The following ERAP2 variants were observed in gnomAD, a reference collection of about 807,000 sequenced individuals.
The protein encoded by ERAP2 is endoplasmic reticulum aminopeptidase 2, also known as leukocyte-derived arginine aminopeptidase.
In ERAP2, 118 loss-of-function variants were observed where a neutral mutation model predicts 111.1. That is an observed-to-expected ratio of 1.06 (90% CI 0.92 to 1.24). ERAP2 has a LOEUF of 1.24. Ranked by LOEUF, ERAP2 falls within the 50% of genes most tolerant of loss-of-function variation. The pLI is 0.00. For missense variants in ERAP2, 1,131 were observed against 1,125.8 expected, an observed-to-expected ratio of 1.00 and a Z score of -0.07; for synonymous variants, 410 against 401.2, an observed-to-expected ratio of 1.02 and a Z score of -0.26.
At position 96,917,462 on chromosome 5, in the gene ERAP2, G is replaced by A; in HGVS notation, c.2740G>A (p.Val914Met). The change falls in exon 19 of 19, where the codon GTG becomes ATG. Residue 914 changes from valine (V) to methionine (M), a missense_variant and splice_region_variant. Transcript: ENST00000437043. The stretch of plus-strand genomic sequence containing the variant: ...AATTTTTTTCTTCAATATTTTACAG[G>A]TGAAACTATTTTTTGAATCTCTTGA... ...HFSSKDKLQE[V>M]KLFFESLEAQ... 6.2e-7 allele frequency: 1 copy of A among 1,606,960 alleles called. No homozygotes were observed. Among genetic ancestry groups the A allele is most frequent in the Non-Finnish European group, 8.5e-7 (1 of 1,176,002 alleles).
At chr5:96,876,557 T>C (rs767273487) in intron 1 of ERAP2, 30 bp downstream of exon 1, 2 of 152,330 alleles carry the variant, frequency 1.3e-5, no homozygotes, top group African/African-American at 2.4e-5. Flanking sequence ...CTTGGGTTTG[T>C]CTTAAAATTA....
Position 96,901,519 on chromosome 5 carries a change from G to A in ERAP2, c.1586G>A (p.Gly529Glu), listed in dbSNP as rs768168202. ...KMTSNMLAFL[G>E]ENAEVKEMMT... Reference sequence around the variant, plus strand: ...CTGTCATTTCAGCTCGCCTTTCTGGGGGAAAATGCAGAGGTCAAAGAGATG... The same window carrying A: ...CTGTCATTTCAGCTCGCCTTTCTGGAGGAAAATGCAGAGGTCAAAGAGATG... The change falls in exon 11 of 19, where the codon GGG becomes GAG. Residue 529 changes from glycine (G) to glutamate (E), a missense_variant. Around this residue, in one of 3 missense-constraint regions of ERAP2, gnomAD observed 847 missense variants for 856.5 expected, o/e 0.99. Transcript: ENST00000437043. 8.7e-6 allele frequency: 14 copies of A among 1,613,024 alleles called. No homozygotes were observed. The highest frequency in any genetic ancestry group is 1.1e-5 in the Non-Finnish European group (13 of 1,179,396).
At chr5:96,887,096 TATATAC>T (rs1221368070) in intron 4 of ERAP2, among the ~76,000 whole-genome samples, 52 of 140,310 alleles carry the variant, frequency 3.7e-4, no homozygotes, top group Middle Eastern at 3.9e-3. Flanking sequence ...TATATATATA[TATATAC>T]ACACACACAC....
Position 96,880,217 on chromosome 5 carries a change from G to A in ERAP2, c.532G>A (p.Gly178Arg), listed in dbSNP as rs1782989518. ...FQAKLGDGFE[G>R]FYKSTYRTLG... ...AGCCAAGTTAGGTGATGGCTTTGAAGGGTTTTATAAAAGCACATACAGAAC... is the reference window on the plus strand; with the variant it reads ...AGCCAAGTTAGGTGATGGCTTTGAAAGGTTTTATAAAAGCACATACAGAAC... Residue 178 changes from glycine (G) to arginine (R), a missense_variant, in exon 2 of 19, where the codon GGG becomes AGG. Gly to Arg is a moderately radical substitution (Grantham distance 125). Around this residue, in one of 3 missense-constraint regions of ERAP2, gnomAD observed 847 missense variants for 856.5 expected, o/e 0.99. Transcript: ENST00000437043. 6.2e-7 allele frequency: 1 copy of A among 1,614,004 alleles called. No individual in the cohort carries two copies. Among genetic ancestry groups the A allele is most frequent in the Non-Finnish European group, 8.5e-7 (1 of 1,179,960 alleles).
At chr5:96,917,076 T>G (rs1353714804) in intron 18 of ERAP2, among the ~76,000 whole-genome samples, 1 of 152,144 alleles carries the variant, frequency 6.6e-6, no homozygotes, top group African/African-American at 2.4e-5. Flanking sequence ...ATTTGCAAGC[T>G]CTTTTGAAAA....
In ERAP2 at chr5:96,903,555, A is replaced by G. The variant is rs1358958644; in HGVS notation, c.2007A>G (p.Leu669=). The part of the protein sequence containing the change: ...RVGLIHDVFQ[L]VGAGRLTLDK... Reference sequence around the variant, plus strand: ...GTCTGATTCATGATGTGTTTCAGCTAGTTGGGTAAGGCAACATTTCCTCTG... The same window carrying G: ...GTCTGATTCATGATGTGTTTCAGCTGGTTGGGTAAGGCAACATTTCCTCTG... Residue 669 remains leucine, a synonymous_variant, in exon 13 of 19, where the codon CTA becomes CTG. Transcript: ENST00000437043. 1.9e-6 allele frequency: 3 copies of G among 1,593,254 alleles called. No individual in the cohort carries two copies. The East Asian group carries it at 6.7e-5, about 36-fold the overall frequency.
intron 5 of ERAP2, among the ~76,000 whole-genome samples, chr5:96,891,507 ATATATATAT>A (rs1784371341): frequency 2.2e-5 from 1 of 45,804 alleles, no homozygotes; most frequent in African/African-American, 6.1e-5. Flanking sequence ...GTGTATATAT[ATATATATAT>A]GCCCATATAC....
intron 8 of ERAP2, 89 bp from the exon 9 acceptor site, chr5:96,896,641 CAT>C (rs56321917): frequency 0.5 from 731,851 of 1,455,906 alleles, 185,261 homozygotes; most frequent in Middle Eastern, 0.58. Flanking sequence ...AGACATCACA[CAT>C]GTTCCGTAAA....
At chr5:96,913,562 T>C (rs1357571245) in intron 17 of ERAP2, 105 bp downstream of exon 17, 1 of 1,337,512 alleles carries the variant, frequency 7.5e-7, no homozygotes, top group African/African-American at 1.5e-5. Context: ...ATAATACCAT[T>C]TGTATCCAAA....
At chr5:96,913,142 C>G (rs979633950) in intron 16 of ERAP2, among the ~76,000 whole-genome samples, 175 bp from the exon 17 acceptor site, 11 of 151,814 alleles carry the variant, frequency 7.2e-5, no homozygotes, top group African/African-American at 2.4e-4. Context: ...TTGATAGGAA[C>G]AAAATAAAAA....
chr5:96,882,129 T>C (rs1215177416), intron 2 of ERAP2, among the ~76,000 whole-genome samples: 1 of 152,196 alleles, frequency 6.6e-6, no homozygotes, highest in East Asian at 1.9e-4. Context: ...CTTCCCCTCA[T>C]TGCAGCCACA....
intron 1 of ERAP2, among the ~76,000 whole-genome samples, chr5:96,879,290 A>G (rs1411227838): frequency 1.1e-4 from 17 of 152,228 alleles, no homozygotes; most frequent in Non-Finnish European, 2.9e-5. Flanking sequence ...CATGCAATGA[A>G]TTTACACACC....
At chr5:96,910,525 G>GT (rs2112356638) in intron 15 of ERAP2, among the ~76,000 whole-genome samples, 1 of 150,992 alleles carries the variant, frequency 6.6e-6, no homozygotes, top group East Asian at 1.9e-4. Context: ...TCAATGGGTT[G>GT]TATGAGTGAA....
chr5:96,900,597 A>G (rs1454986035), intron 10 of ERAP2, among the ~76,000 whole-genome samples: 1 of 152,196 alleles, frequency 6.6e-6, no homozygotes, highest in Non-Finnish European at 1.5e-5. Context: ...AGAGAAAAGA[A>G]AGTCATCACA....
chr5:96,879,628 C>T lies in ERAP2; in HGVS notation c.-58C>T. The T allele has an allele frequency of 7.1e-7, 1 of 1,416,688 alleles. No individual in the cohort carries two copies. The allele number at this position is 1,416,688 out of a possible 1,614,324, so 87.8% of individuals were successfully genotyped here. ...TGACATAACTGGAGCCAGTGCAGTG[C>T]CATGAAGAACTACGAGATTAGCCTG... On this transcript the variant is annotated 5_prime_UTR_variant, in exon 2 of 19. Transcript: ENST00000437043.
chr5:96,895,648 A>G (rs1784798430), intron 7 of ERAP2, among the ~76,000 whole-genome samples: 1 of 152,194 alleles, frequency 6.6e-6, no homozygotes, highest in Non-Finnish European at 1.5e-5. Flanking sequence ...CACTGTTTGT[A>G]TACATCTGCA....
Position 96,883,895 on chromosome 5 carries a change from G to A in ERAP2, c.679G>A (p.Glu227Lys), listed in dbSNP as rs368480890. The change falls in exon 3 of 19, where the codon GAG becomes AAG. Residue 227 changes from glutamate to lysine, a missense_variant. Physicochemically the swap from Glu to Lys is moderately conservative, Grantham distance 56 (BLOSUM62 1). Transcript: ENST00000437043. Reference protein sequence around the residue: ...KANFSIKIRRESRHIALSNMP... With the variant: ...KANFSIKIRRKSRHIALSNMP... ...CAACTTTTCAATCAAGATACGAAGA[G>A]AGAGCAGGCATATTGCACTATCCAA... 1.6e-5 allele frequency: 26 copies of A among 1,613,458 alleles called. No homozygotes were observed. The highest frequency in any genetic ancestry group is 1.9e-5 in the Non-Finnish European group (23 of 1,179,802).
chr5:96,908,386 G>A (rs529922489), intron 13 of ERAP2, among the ~76,000 whole-genome samples: 7 of 152,274 alleles, frequency 4.6e-5, no homozygotes, highest in East Asian at 1.9e-4. Context: ...AGAAGAAAAC[G>A]TAGAGAAGGC....
chr5:96,903,545 TG>T lies in ERAP2; in HGVS notation c.1998del (p.Gln668SerfsTer2). 1 of 1,598,040 alleles carries T rather than the reference TG, an allele frequency of 6.3e-7. No homozygotes were observed. Among genetic ancestry groups the T allele is most frequent in the East Asian group, 2.2e-5 (1 of 44,666 alleles). On this transcript the variant is annotated frameshift_variant, in exon 13 of 19. Transcript: ENST00000437043. LOFTEE classifies it high-confidence loss of function. ...GACAGAGTAGGTCTGATTCATGATGTGTTTCAGCTAGTTGGGTAAGGCAACA... is the reference window on the plus strand; with the variant it reads ...GACAGAGTAGGTCTGATTCATGATGTTTTCAGCTAGTTGGGTAAGGCAACA... Reference protein sequence around the residue: ...PKDRVGLIHDVFQLVGAGRLT... With the variant: ...PKDRVGLIHDXFQLVGAGRLT...
Sources: allele counts gnomAD v4.1 joint callset (sites outside exome capture counted in the v4.1 genomes callset), GRCh38; gene constraint gnomAD v4.1.1; regional missense constraint gnomAD v4.1.1; transcripts MANE v1.5; gene names NCBI Gene and HGNC (gene_info 2026-07-23, HGNC 2026-07-21).